The following MET variants were observed in gnomAD, a reference collection of about 807,000 sequenced individuals.
MET encodes the protein hepatocyte growth factor receptor.
A neutral mutation model predicts 133.1 loss-of-function variants in MET; 48 were observed. The observed-to-expected ratio is 0.36, with a 90% CI of 0.29 to 0.46. MET has a LOEUF of 0.46. Among genes scored for constraint, MET ranks in the 20% least tolerant of loss-of-function variants. The probability of loss-of-function intolerance (pLI) is 1.00; values close to 1 mark genes in which losing one functional copy is unlikely to be tolerated. For synonymous variants in MET, 628 were observed against 616.5 expected (o/e 1.02, Z -0.28); for missense variants, 1,442 against 1,695.9 (o/e 0.85, Z 2.63).
At chr7:116,678,111 G>C (rs1461888701) in intron 1 of MET, among the ~76,000 whole-genome samples, 1 of 152,082 alleles carries the variant, frequency 6.6e-6, no homozygotes, top group Admixed American at 6.5e-5. Flanking sequence ...AAAGCAATCA[G>C]ATCAGTGTTA....
At chr7:116,759,301 C>G (rs2116936284) in intron 9 of MET, 90 bp from the exon 10 acceptor site, 2 of 1,547,974 alleles carry the variant, frequency 1.3e-6, no homozygotes, top group Non-Finnish European at 1.8e-6. Context: ...GACCTGTAAT[C>G]AGTGCAGGTG....
chr7:116,743,614 C>G (rs1045674282), intron 5 of MET, among the ~76,000 whole-genome samples: 1 of 152,218 alleles, frequency 6.6e-6, no homozygotes, highest in African/African-American at 2.4e-5. Context: ...ACAGCTTCAG[C>G]AGACTTAAAC....
chr7:116,753,908 T>C (rs1794024543), intron 5 of MET, among the ~76,000 whole-genome samples: 1 of 152,132 alleles, frequency 6.6e-6, no homozygotes, highest in African/African-American at 2.4e-5. Flanking sequence ...GCCTGGTGCA[T>C]AGGAGGTGCT....
At chr7:116,748,575 A>G (rs181477949) in intron 5 of MET, among the ~76,000 whole-genome samples, 2 of 152,330 alleles carry the variant, frequency 1.3e-5, no homozygotes, top group African/African-American at 4.8e-5. Context: ...CTAGAGAAGC[A>G]AGAGCAAACA....
chr7:116,764,980 A>C (rs1410215863), intron 11 of MET, among the ~76,000 whole-genome samples: 3 of 152,156 alleles, frequency 2.0e-5, no homozygotes, highest in Admixed American at 1.3e-4. Flanking sequence ...ACTCTTTATC[A>C]ATACGTTAAG....
At chr7:116,693,117 GA>G (rs1301871408) in intron 1 of MET, among the ~76,000 whole-genome samples, 1 of 152,186 alleles carries the variant, frequency 6.6e-6, no homozygotes, top group Non-Finnish European at 1.5e-5. Context: ...AAGTTACATA[GA>G]TGAGGAAGTG....
At chr7:116,730,418 GT>G (rs1792957731) in intron 2 of MET, among the ~76,000 whole-genome samples, 1 of 152,166 alleles carries the variant, frequency 6.6e-6, no homozygotes, top group Non-Finnish European at 1.5e-5. Context: ...AGCATTGAGT[GT>G]TTTAAATAGA....
intron 14 of MET, among the ~76,000 whole-genome samples, chr7:116,774,674 G>C (rs1301160434): frequency 6.6e-6 from 1 of 152,162 alleles, no homozygotes; most frequent in Non-Finnish European, 1.5e-5. Context: ...GGAAATGAGG[G>C]TAAAAAGCTT....
chr7:116,675,874 T>G (rs1260848441), intron 1 of MET, among the ~76,000 whole-genome samples: 1 of 152,086 alleles, frequency 6.6e-6, no homozygotes, highest in African/African-American at 2.4e-5. Flanking sequence ...TTAAGAGCCG[T>G]GAATAATTTT....
chr7:116,702,777 G>T (rs1584881304), intron 2 of MET, among the ~76,000 whole-genome samples: 1 of 152,148 alleles, frequency 6.6e-6, no homozygotes, highest in Non-Finnish European at 1.5e-5. Context: ...TTATGCTTCT[G>T]CCCAGTCCTC....
Position 116,694,836 on chromosome 7 carries a change from G to A in MET, c.-14-4235G>A, listed in dbSNP as rs574721805. On this transcript the variant is annotated intron_variant, in intron 1 of 20. Transcript: ENST00000397752. ...CAAGTAGCTGGGATTACAGGCATGC[G>A]CCACCACACCCAGCTAATTTTTGTA... 6.6e-5 allele frequency among the ~76,000 whole-genome samples: 10 copies of A among 151,788 alleles called. No individual in the cohort carries two copies. In the South Asian group the frequency reaches 1.7e-3, roughly 25 times the overall value.
intron 2 of MET, among the ~76,000 whole-genome samples, chr7:116,725,341 G>A (rs930166195): frequency 2.0e-5 from 3 of 152,036 alleles, no homozygotes; most frequent in African/African-American, 7.2e-5. Context: ...GCAAAGCCAT[G>A]AGAATGTTTC....
At position 116,774,908 on chromosome 7, in the gene MET, G is replaced by C. The variant is rs1584957697; in HGVS notation, c.3056G>C (p.Gly1019Ala). Residue 1019 changes from glycine to alanine, a missense_variant, in exon 15 of 21, where the codon GGT (glycine) becomes GCT (alanine). Gly to Ala is a moderately conservative substitution (Grantham distance 60). Around this residue, in one of 6 missense-constraint regions of MET, gnomAD observed 514 missense variants for 659.6 expected, o/e 0.78. Coordinates refer to ENST00000397752, the MANE Select transcript of MET (RefSeq NM_000245.4). ...CAGTTTCCTAATTCATCTCAGAACG[G>C]TTCATGCCGACAAGTGCAGTATCCT... ...EDQFPNSSQN[G>A]SCRQVQYPLT... The C allele has an allele frequency of 1.2e-6, 2 of 1,613,988 alleles. No homozygotes were observed. Among genetic ancestry groups the C allele is most frequent in the Non-Finnish European group, 1.7e-6 (2 of 1,179,962 alleles).
chr7:116,778,551 T>C lies in MET; in HGVS notation c.3341-225T>C, dbSNP rs184586067. On this transcript the variant is annotated intron_variant, in intron 16 of 20. Coordinates refer to ENST00000397752, the MANE Select transcript of MET (RefSeq NM_000245.4). Reference sequence around the variant, plus strand: ...TTATAGGAGACAAACTGGTGGCTGGTTGGACTCTATCTTGCAAAAGTGGGC... The same window carrying C: ...TTATAGGAGACAAACTGGTGGCTGGCTGGACTCTATCTTGCAAAAGTGGGC... 1.3e-3 allele frequency among the ~76,000 whole-genome samples: 193 copies of C among 152,214 alleles called. 1 individual carries two copies. The highest frequency in any genetic ancestry group is 4.5e-3 in the African/African-American group (186 of 41,522).
At position 116,731,705 on chromosome 7, in the gene MET, G is replaced by A. The variant is rs375391602; in HGVS notation, c.1238G>A (p.Arg413His). 1.9e-5 allele frequency: 30 copies of A among 1,613,988 alleles called. No homozygotes were observed. The highest frequency in any genetic ancestry group is 5.5e-5 in the South Asian group (5 of 91,088). The change falls in exon 3 of 21, where the codon CGT (arginine) becomes CAT (histidine). Residue 413 changes from arginine (R) to histidine (H), a missense_variant. By Grantham distance (29) the Arg-to-His change is conservative (BLOSUM62 0). Transcript: ENST00000397752. The stretch of plus-strand genomic sequence containing the variant: ...AATTCATCAGGCTGTGAAGCGCGCC[G>A]TGATGAATATCGAACAGAGTTTACC... ...LRNSSGCEAR[R>H]DEYRTEFTTA...
intron 5 of MET, among the ~76,000 whole-genome samples, chr7:116,749,347 A>G (rs897715832): frequency 6.6e-6 from 1 of 152,222 alleles, no homozygotes; most frequent in Non-Finnish European, 1.5e-5. Context: ...AACAGAACCA[A>G]TGACAAAAAC....
intron 1 of MET, among the ~76,000 whole-genome samples, chr7:116,675,206 C>T (rs920524879): frequency 2.6e-5 from 4 of 152,058 alleles, no homozygotes; most frequent in African/African-American, 9.7e-5. Context: ...ATTTGCCTGA[C>T]CAAAAATAGC....
At chr7:116,718,079 C>T (rs1792315716) in intron 2 of MET, among the ~76,000 whole-genome samples, 2 of 152,044 alleles carry the variant, frequency 1.3e-5, no homozygotes. Context: ...AAGTTTGCAA[C>T]AAGTTTTTAA....
chr7:116,712,879 G>T (rs1392825301), intron 2 of MET, among the ~76,000 whole-genome samples: 2 of 152,138 alleles, frequency 1.3e-5, no homozygotes, highest in African/African-American at 4.8e-5. Context: ...GAGAAAGAGG[G>T]AATACTTTCT....
Sources: gnomAD v4.1 joint callset for allele counts (sites outside exome capture counted in the v4.1 genomes callset) on GRCh38, gnomAD v4.1.1 for gene constraint, gnomAD v4.1.1 regional missense constraint, MANE v1.5 for transcripts, NCBI Gene and HGNC (gene_info 2026-07-23, HGNC 2026-07-21) for gene names.